Variants in ANKRD31 observed in about 807,000 individuals in gnomAD.
ANKRD31 encodes ankyrin repeat domain 31.
Under a neutral mutation model 186.0 loss-of-function variants are expected in ANKRD31, and 147 were observed. The ratio of observed to expected loss-of-function variants is 0.79; its 90% CI spans 0.69 to 0.91. ANKRD31 has a LOEUF of 0.91. ANKRD31 is among the 40% of genes least tolerant of loss of function. The pLI, the probability that ANKRD31 is intolerant of heterozygous loss-of-function variation, is 0.00. For missense variants in ANKRD31, 1,986 were observed against 2,148.8 expected (o/e 0.92, Z 1.50); for synonymous variants, 673 against 736.4 (o/e 0.91, Z 1.39).
intron 25 of ANKRD31, among the ~76,000 whole-genome samples, chr5:75,075,228 C>A (rs190059960): frequency 1.6e-3 from 249 of 152,276 alleles, no homozygotes; most frequent in African/African-American, 5.8e-3. Flanking sequence ...TTCAAGGATT[C>A]TATTACTGAG....
chr5:75,126,964 A>G (rs1407097963), intron 17 of ANKRD31, among the ~76,000 whole-genome samples: 5 of 151,958 alleles, frequency 3.3e-5, no homozygotes, highest in African/African-American at 1.2e-4. Context: ...GGGCAGATCA[A>G]CTGAGGTCAG....
intron 17 of ANKRD31, among the ~76,000 whole-genome samples, chr5:75,130,380 T>C (rs375797489): frequency 1.3e-5 from 2 of 152,360 alleles, no homozygotes; most frequent in East Asian, 3.9e-4. Flanking sequence ...TGGGTTGCTG[T>C]TGCTGGCTCT....
chr5:75,173,472 T>C (rs1478121172), intron 10 of ANKRD31, among the ~76,000 whole-genome samples: 2 of 152,144 alleles, frequency 1.3e-5, no homozygotes, highest in African/African-American at 4.8e-5. Context: ...TCACTTTATA[T>C]TTAGAAAACC....
Position 75,104,934 on chromosome 5 carries a change from GT to G in ANKRD31, c.4624del (p.Thr1542HisfsTer18). On this transcript the variant is annotated frameshift_variant, in exon 22 of 26. Coordinates refer to ENST00000506364, the MANE Select transcript of ANKRD31 (RefSeq NM_001372053.1). LOFTEE classifies it high-confidence loss of function. ...LSPVSGSMQE[T>X]QLSLETWNYS... is the part of the protein sequence containing the mutation. ...GTTCCAAGTTTCCAGAGACAATTGT[GT>G]TTCCTGCATGCTTCCAGAAACAGGA... 4.6e-6 allele frequency: 7 copies of G among 1,537,080 alleles called. No homozygotes were observed. The highest frequency in any genetic ancestry group is 6.1e-6 in the Non-Finnish European group (7 of 1,146,878).
At chr5:75,135,786 C>T (rs189230145) in intron 17 of ANKRD31, among the ~76,000 whole-genome samples, 91 of 152,246 alleles carry the variant, frequency 6.0e-4, no homozygotes, top group Non-Finnish European at 9.6e-4. Flanking sequence ...GCTACAGTAA[C>T]CAAAACAGCA....
chr5:75,145,425 A>G (rs1177504603), intron 14 of ANKRD31, among the ~76,000 whole-genome samples: 2 of 152,158 alleles, frequency 1.3e-5, no homozygotes, highest in African/African-American at 4.8e-5. Flanking sequence ...GGATGAGTTC[A>G]TGTCCTTTTC....
intron 22 of ANKRD31, among the ~76,000 whole-genome samples, chr5:75,102,515 G>T (rs990630447): frequency 6.6e-6 from 1 of 152,216 alleles, no homozygotes; most frequent in Non-Finnish European, 1.5e-5. Context: ...GTTCAGCTAT[G>T]CCCTGCCCCC....
intron 17 of ANKRD31, among the ~76,000 whole-genome samples, chr5:75,129,193 G>A (rs975360023): frequency 3.9e-5 from 6 of 152,134 alleles, no homozygotes; most frequent in Non-Finnish European, 8.8e-5. Flanking sequence ...TCCACCATGT[G>A]AATAAGTGCC....
chr5:75,117,861 T>A (rs1748425193), intron 18 of ANKRD31, among the ~76,000 whole-genome samples: 1 of 152,148 alleles, frequency 6.6e-6, no homozygotes, highest in African/African-American at 2.4e-5. Flanking sequence ...TACATCTCTA[T>A]CTCAAACCCA....
In ANKRD31 at chr5:75,141,028, G is replaced by A. The variant is rs560253070; in HGVS notation, c.3596-2045C>T. Among the ~76,000 whole-genome samples the A allele has an allele frequency of 1.5e-3, 231 of 152,234 alleles. 5 individuals carry two copies. Among genetic ancestry groups the A allele is most frequent in the African/African-American group, 5.2e-3 (218 of 41,528 alleles). On this transcript the variant is annotated intron_variant, in intron 15 of 25. Coordinates refer to ENST00000506364, the MANE Select transcript of ANKRD31 (RefSeq NM_001372053.1). Reference sequence around the variant, plus strand: ...CTGAATCAGATTCTTTGAGGGTAGGGCCCAGCAATCTGTGTTTTAACAAGC... The same window carrying A: ...CTGAATCAGATTCTTTGAGGGTAGGACCCAGCAATCTGTGTTTTAACAAGC...
At chr5:75,227,907 G>A (rs985948613) in intron 2 of ANKRD31, among the ~76,000 whole-genome samples, 2 of 152,130 alleles carry the variant, frequency 1.3e-5, no homozygotes, top group Non-Finnish European at 2.9e-5. Context: ...GCACATGTGA[G>A]GGATCAAGGT....
intron 1 of ANKRD31, among the ~76,000 whole-genome samples, chr5:75,233,742 C>A (rs1758089513): frequency 6.6e-6 from 1 of 151,816 alleles, no homozygotes; most frequent in Non-Finnish European, 1.5e-5. Flanking sequence ...ATGGTGAAAC[C>A]CCATCTATAC....
intron 6 of ANKRD31, among the ~76,000 whole-genome samples, chr5:75,197,509 C>T (rs149669581): frequency 1.4e-3 from 220 of 152,234 alleles, no homozygotes; most frequent in Non-Finnish European, 2.5e-3. Flanking sequence ...TTCTACCTGC[C>T]ACCTTTATGT....
At chr5:75,117,364 T>C (rs972277654) in intron 18 of ANKRD31, among the ~76,000 whole-genome samples, 2 of 152,162 alleles carry the variant, frequency 1.3e-5, no homozygotes, top group South Asian at 2.1e-4. Context: ...ATGGACTTAC[T>C]ATATGGAAGC....
chr5:75,204,334 G>A (rs1190729546), intron 5 of ANKRD31, among the ~76,000 whole-genome samples: 2 of 151,664 alleles, frequency 1.3e-5, no homozygotes, highest in Non-Finnish European at 2.9e-5. Context: ...TTTTTTGTTG[G>A]GGCATGAGAT....
rs1452970124 is a variant in ANKRD31 at position 75,104,311 on chromosome 5, T to C, written c.5248A>G (p.Lys1750Glu). The C allele has an allele frequency of 6.5e-6, 10 of 1,536,412 alleles. No homozygotes were observed. The African/African-American group carries it at 1.2e-4, about 19-fold the overall frequency. The change falls in exon 22 of 26, where the codon AAA (lysine) becomes GAA (glutamate). Residue 1750 changes from lysine (K) to glutamate (E), a missense_variant. Lys to Glu is a moderately conservative substitution (Grantham distance 56). Coordinates refer to ENST00000506364, the MANE Select transcript of ANKRD31 (RefSeq NM_001372053.1). Reference protein sequence around the residue: ...KKALNYSTAPKKKCIQIKDLI... With the variant: ...KKALNYSTAPEKKCIQIKDLI... ...TCTTTTATCTGAATACATTTCTTTT[T>C]AGGAGCTGTACTGTAGTTTAAAGCC...
chr5:75,098,832 C>T (rs531437398), intron 22 of ANKRD31, among the ~76,000 whole-genome samples: 1 of 152,116 alleles, frequency 6.6e-6, no homozygotes, highest in Admixed American at 6.5e-5. Flanking sequence ...AAATTTTGGG[C>T]TGAGATGATG....
intron 11 of ANKRD31, among the ~76,000 whole-genome samples, chr5:75,164,302 C>T (rs1752773702): frequency 6.6e-6 from 1 of 152,174 alleles, no homozygotes; most frequent in Admixed American, 6.5e-5. Flanking sequence ...AACCAACTCA[C>T]CTATGCCACT....
At chr5:75,163,575 G>C (rs1038054550) in intron 11 of ANKRD31, among the ~76,000 whole-genome samples, 17 of 152,246 alleles carry the variant, frequency 1.1e-4, no homozygotes, top group Admixed American at 1.0e-3. Flanking sequence ...ATGAAATCAG[G>C]TGTGAAATTT....
Sources: allele counts gnomAD v4.1 joint callset (sites outside exome capture counted in the v4.1 genomes callset), GRCh38; gene constraint gnomAD v4.1.1; transcripts MANE v1.5; gene names NCBI Gene and HGNC (gene_info 2026-07-23, HGNC 2026-07-21).